The following DHX35 variants were observed in gnomAD, a reference collection of about 807,000 sequenced individuals.
DHX35 encodes probable ATP-dependent RNA helicase DHX35.
In DHX35, 84 loss-of-function variants were observed where a neutral mutation model predicts 99.6. The observed-to-expected ratio is 0.84, with a 90% CI of 0.71 to 1.01. DHX35 has a LOEUF of 1.01. DHX35 is among the 50% of genes least tolerant of loss of function. DHX35 has a pLI of 0.00. For synonymous variants in DHX35, 331 were observed against 316.2 expected (o/e 1.05, Z -0.50); for missense variants, 852 against 888.5 (o/e 0.96, Z 0.52).
intron 20 of DHX35, among the ~76,000 whole-genome samples, chr20:39,031,440 G>A (rs2087051770): frequency 6.6e-6 from 1 of 151,468 alleles, no homozygotes; most frequent in Non-Finnish European, 1.5e-5. Flanking sequence ...AGGTCCACGT[G>A]ATTCTCCTGC....
intron 12 of DHX35, among the ~76,000 whole-genome samples, chr20:39,009,202 TG>T (rs1033408237): frequency 6.6e-6 from 1 of 152,128 alleles, no homozygotes; most frequent in African/African-American, 2.4e-5. Context: ...GCTTGGAAAA[TG>T]GGGTTATCCT....
chr20:38,970,741 A>G (rs1368309757), intron 2 of DHX35, among the ~76,000 whole-genome samples: 1 of 152,212 alleles, frequency 6.6e-6, no homozygotes, highest in Non-Finnish European at 1.5e-5. Context: ...ATGCTCAAGT[A>G]CAAGGGAAAT....
rs1001670132 is a variant in DHX35, at chr20:39,001,733, T to A, written c.646T>A (p.Phe216Ile). 1.2e-6 allele frequency: 2 copies of A among 1,605,102 alleles called. No homozygotes were observed. Among genetic ancestry groups the A allele is most frequent in the African/African-American group, 2.7e-5 (2 of 74,652 alleles). ...VASATLDADK[F>I]RDFFNQNETS... ...GAATTAATTTTTTTCTTTTTAGAAA[T>A]TCCGGGATTTCTTTAATCAAAATGA... Residue 216 changes from phenylalanine to isoleucine, a missense_variant, in exon 9 of 22, where the codon TTC becomes ATC. By Grantham distance (21) the Phe-to-Ile change is conservative. Transcript: ENST00000252011.
chr20:38,981,673 T>A lies in DHX35; in HGVS notation c.268-2026T>A, dbSNP rs1028270877. Among the ~76,000 whole-genome samples, 4 of 152,272 alleles carry A rather than the reference T, an allele frequency of 2.6e-5. 1 individual carries two copies. Among genetic ancestry groups the A allele is most frequent in the African/African-American group, 4.8e-5 (2 of 41,568 alleles). On this transcript the variant is annotated intron_variant, in intron 3 of 21. Transcript: ENST00000252011. ...AATCATGATCTGGGGCCGGGCGTGG[T>A]GGCTCACACCTGTAATCCCAGCACT...
intron 8 of DHX35, among the ~76,000 whole-genome samples, chr20:38,996,427 G>A (rs540556275): frequency 1.1e-4 from 16 of 152,344 alleles, no homozygotes; most frequent in Admixed American, 2.0e-4. Context: ...GGGGTCAGAT[G>A]ACGGAAAGCC....
intron 8 of DHX35, 133 bp from the exon 9 acceptor site, chr20:39,001,597 A>G: frequency 1.8e-6 from 1 of 568,798 alleles, no homozygotes; most frequent in Non-Finnish European, 3.0e-6. Flanking sequence ...TTTGCAACCC[A>G]TAATCTGTAT....
chr20:38,966,037 T>G (rs1039982383), intron 1 of DHX35, among the ~76,000 whole-genome samples: 4 of 152,226 alleles, frequency 2.6e-5, no homozygotes, highest in Non-Finnish European at 4.4e-5. Flanking sequence ...TGCTTTCTAT[T>G]CTATTTCATT....
At chr20:38,974,287 C>T (rs1420096264) in intron 3 of DHX35, among the ~76,000 whole-genome samples, 1 of 152,132 alleles carries the variant, frequency 6.6e-6, no homozygotes, top group African/African-American at 2.4e-5. Context: ...GGGTCCTCAA[C>T]CAAGAGGTGA....
chr20:39,012,111 G>T (rs537746416), intron 13 of DHX35, among the ~76,000 whole-genome samples: 1 of 152,148 alleles, frequency 6.6e-6, no homozygotes, highest in Admixed American at 6.5e-5. Context: ...AGCCAGGCAT[G>T]GTGGCATGCG....
At chr20:39,016,148 A>G (rs2086782598) in intron 14 of DHX35, among the ~76,000 whole-genome samples, 1 of 152,226 alleles carries the variant, frequency 6.6e-6, no homozygotes, top group Admixed American at 6.5e-5. Context: ...GTGGAAAGCA[A>G]AAGGAGAGTG....
At chr20:39,022,192 G>A (rs963430233) in intron 16 of DHX35, among the ~76,000 whole-genome samples, 1 of 151,926 alleles carries the variant, frequency 6.6e-6, no homozygotes, top group Non-Finnish European at 1.5e-5. Flanking sequence ...AGGAAGTCTC[G>A]CTCTGTTGCT....
intron 12 of DHX35, among the ~76,000 whole-genome samples, chr20:39,008,835 C>G (rs2086657581): frequency 6.6e-6 from 1 of 152,252 alleles, no homozygotes; most frequent in Non-Finnish European, 1.5e-5. Flanking sequence ...CCTTGTCCTT[C>G]AAATCCTCCC....
At chr20:38,990,920 A>G (rs1046985609) in intron 5 of DHX35, among the ~76,000 whole-genome samples, 8 of 152,224 alleles carry the variant, frequency 5.3e-5, no homozygotes, top group Admixed American at 3.3e-4. Context: ...AACTTGTCCA[A>G]GGTTCACACA....
At chr20:39,010,102 A>G (rs893389328) in intron 12 of DHX35, among the ~76,000 whole-genome samples, 178 bp from the exon 13 acceptor site, 3 of 152,228 alleles carry the variant, frequency 2.0e-5, no homozygotes, top group African/African-American at 7.2e-5. Context: ...AGGCATTTTA[A>G]AAATAGAATG....
chr20:38,991,319 G>A, intron 5 of DHX35, 135 bp from the exon 6 acceptor site: 1 of 660,344 alleles, frequency 1.5e-6, no homozygotes, highest in African/African-American at 1.9e-5. Flanking sequence ...AAAATATGGG[G>A]GCATTTTCTC....
chr20:39,015,734 C>A (rs564170721), intron 14 of DHX35, among the ~76,000 whole-genome samples: 1 of 152,170 alleles, frequency 6.6e-6, no homozygotes, highest in East Asian at 1.9e-4. Context: ...TGTACAAATT[C>A]AGAGGCTTTT....
chr20:39,002,137 T>C (rs538130873), intron 9 of DHX35, among the ~76,000 whole-genome samples: 8 of 152,350 alleles, frequency 5.3e-5, no homozygotes, highest in African/African-American at 1.4e-4. Flanking sequence ...AACTGGGGTT[T>C]ACAAGGCTGC....
At chr20:39,031,413 T>C (rs1309194570) in intron 20 of DHX35, among the ~76,000 whole-genome samples, 1 of 150,218 alleles carries the variant, frequency 6.7e-6, no homozygotes, top group Non-Finnish European at 1.5e-5. Context: ...CTTGGCTCAC[T>C]GCAACCTCTG....
chr20:39,012,027 C>T (rs1262582660), intron 13 of DHX35, among the ~76,000 whole-genome samples: 2 of 152,182 alleles, frequency 1.3e-5, no homozygotes, highest in African/African-American at 4.8e-5. Context: ...GCAGGTGGAT[C>T]ACTTGAGGTC....
Sources: gnomAD v4.1 joint callset for allele counts (sites outside exome capture counted in the v4.1 genomes callset) on GRCh38, gnomAD v4.1.1 for gene constraint, MANE v1.5 for transcripts, NCBI Gene and HGNC (gene_info 2026-07-23, HGNC 2026-07-21) for gene names.